The following YME1L1 variants were observed in gnomAD, a reference collection of about 807,000 sequenced individuals.
YME1L1 encodes YME1 like 1 ATPase.
YME1L1 carries 39 observed loss-of-function variants against 90.4 expected under a neutral mutation model. That is an observed-to-expected ratio of 0.43 (90% CI 0.33 to 0.56). The LOEUF (loss-of-function observed/expected upper bound fraction) is 0.56, where lower values mean the gene tolerates loss of function less well. Ranked by LOEUF, YME1L1 falls within the 20% of genes least tolerant of loss-of-function variation. The probability of loss-of-function intolerance (pLI) is 0.03; values close to 1 mark genes in which losing one functional copy is unlikely to be tolerated. For synonymous variants in YME1L1, 284 were observed against 287.3 expected, an observed-to-expected ratio of 0.99 and a Z score of 0.12; for missense variants, 617 against 868.4, an observed-to-expected ratio of 0.71 and a Z score of 3.64.
chr10:27,139,644 A>T (rs964442601), intron 4 of YME1L1, among the ~76,000 whole-genome samples: 5 of 152,032 alleles, frequency 3.3e-5, no homozygotes, highest in Non-Finnish European at 5.9e-5. Flanking sequence ...TATTTTTAAA[A>T]TACTGTCTTT....
chr10:27,120,672 C>T (rs2056858354), intron 12 of YME1L1, 125 bp from the exon 13 acceptor site: 1 of 628,362 alleles, frequency 1.6e-6, no homozygotes, highest in Non-Finnish European at 2.7e-6. Context: ...GAGTTTTGTA[C>T]ATAAATATTC....
intron 4 of YME1L1, among the ~76,000 whole-genome samples, chr10:27,138,508 T>G (rs1327151323): frequency 1.3e-5 from 2 of 152,238 alleles, no homozygotes; most frequent in South Asian, 4.1e-4. Flanking sequence ...TAAAGCTTCA[T>G]ACACACACGT....
intron 1 of YME1L1, among the ~76,000 whole-genome samples, chr10:27,153,488 G>A (rs1027572535): frequency 3.3e-5 from 5 of 152,146 alleles, no homozygotes; most frequent in African/African-American, 1.2e-4. Context: ...CAAAAAAAGA[G>A]ACTGGAATGA....
intron 11 of YME1L1, among the ~76,000 whole-genome samples, chr10:27,121,769 T>C (rs1332434619): frequency 6.7e-6 from 1 of 149,784 alleles, no homozygotes; most frequent in Non-Finnish European, 1.5e-5. Flanking sequence ...TTTTTGGAGA[T>C]GGAGTCTCAC....
intron 1 of YME1L1, chr10:27,153,342 C>A: frequency 4.5e-6 from 2 of 447,346 alleles, no homozygotes; most frequent in South Asian, 1.6e-5. Context: ...CAAAGGAACA[C>A]AATCATATGC....
In YME1L1 at chr10:27,110,520, A is replaced by G. The variant is rs148345658; in HGVS notation, c.*1457T>C. On this transcript the variant is annotated 3_prime_UTR_variant, in exon 19 of 19. Transcript: ENST00000376016. Reference sequence around the variant, plus strand: ...AGAATATAATCTGGTTGTAATACCAATACAATGTGTTCTAAAATAATTTTT... The same window carrying G: ...AGAATATAATCTGGTTGTAATACCAGTACAATGTGTTCTAAAATAATTTTT... 20 of 152,338 alleles carry G rather than the reference A, an allele frequency of 1.3e-4. No individual in the cohort carries two copies. The East Asian group carries it at 3.5e-3, about 26-fold the overall frequency. 9.4% of individuals were successfully genotyped at this position (152,338 alleles called of 1,614,324 possible).
intron 5 of YME1L1, among the ~76,000 whole-genome samples, chr10:27,135,571 G>C (rs1211171741): frequency 1.3e-5 from 2 of 152,196 alleles, no homozygotes; most frequent in African/African-American, 2.4e-5. Flanking sequence ...TGAACAATCT[G>C]ACGGAGGCAT....
intron 7 of YME1L1, among the ~76,000 whole-genome samples, chr10:27,132,722 G>A (rs971642176): frequency 6.6e-5 from 10 of 151,964 alleles, no homozygotes; most frequent in Admixed American, 5.2e-4. Flanking sequence ...GGGAGGCTGA[G>A]GCAGTGAAAT....
chr10:27,123,140 GA>G (rs1166309834), intron 10 of YME1L1, among the ~76,000 whole-genome samples, 167 bp from the exon 11 acceptor site: 3 of 152,140 alleles, frequency 2.0e-5, no homozygotes, highest in Admixed American at 6.6e-5. Flanking sequence ...CTTCAGGGGG[GA>G]AAAAACTATA....
At chr10:27,149,912 A>C (rs1372538124) in intron 1 of YME1L1, among the ~76,000 whole-genome samples, 1 of 151,688 alleles carries the variant, frequency 6.6e-6, no homozygotes, top group Non-Finnish European at 1.5e-5. Flanking sequence ...CATCGCCACT[A>C]AAAATACAAA....
chr10:27,149,067 A>C, intron 1 of YME1L1, 27 bp from the exon 2 acceptor site: 4 of 1,568,770 alleles, frequency 2.5e-6, no homozygotes, highest in Non-Finnish European at 3.4e-6. Flanking sequence ...GTTAAAAACT[A>C]AGTAGTTTTT....
chr10:27,154,342 C>T lies in YME1L1; in HGVS notation c.-132G>A. On this transcript the variant is annotated 5_prime_UTR_variant, in exon 1 of 19. Transcript: ENST00000376016. The stretch of plus-strand genomic sequence containing the variant: ...CGTTGCCCCTCACTCCTCCCAGAAA[C>T]GGAAAATGGCCTCCCCTTCCTACAG... 9.2e-7 allele frequency: 1 copy of T among 1,084,504 alleles called. No individual in the cohort carries two copies. The allele number at this position is 1,084,504 out of a possible 1,614,324, so 67.2% of individuals were successfully genotyped here. A position where few individuals can be genotyped will look rare whatever the true frequency, so the allele number is the denominator to read the frequency against.
chr10:27,147,268 A>C lies in YME1L1; in HGVS notation c.168+1638T>G, dbSNP rs2057153581. 8.9e-6 allele frequency: 6 copies of C among 673,138 alleles called. No individual in the cohort carries two copies. In the East Asian group the frequency reaches 1.6e-4, roughly 18 times the overall value. 41.7% of individuals were successfully genotyped at this position (673,138 alleles called of 1,614,324 possible). A position where few individuals can be genotyped will look rare whatever the true frequency, so the allele number is the denominator to read the frequency against. Reference sequence around the variant, plus strand: ...AACACTTTTGAGAGGCTGAGGTGGGAGGACTGCTTCAGGCCAGGAGTTCGA... The same window carrying C: ...AACACTTTTGAGAGGCTGAGGTGGGCGGACTGCTTCAGGCCAGGAGTTCGA... On this transcript the variant is annotated intron_variant, in intron 2 of 18. Transcript: ENST00000376016.
chr10:27,132,454 CAT>C (rs1363723022), intron 7 of YME1L1, among the ~76,000 whole-genome samples: 1 of 152,030 alleles, frequency 6.6e-6, no homozygotes, highest in African/African-American at 2.4e-5. Flanking sequence ...GTTAAAAAGA[CAT>C]ATTTCGGCTG....
chr10:27,132,080 G>A, intron 7 of YME1L1, 139 bp from the exon 8 acceptor site: 1 of 622,356 alleles, frequency 1.6e-6, no homozygotes, highest in Non-Finnish European at 2.8e-6. Flanking sequence ...TCAGAGTGAG[G>A]AATAGAAACT....
At chr10:27,114,409 A>G (rs1223657080) in intron 18 of YME1L1, 112 bp downstream of exon 18, 1 of 753,388 alleles carries the variant, frequency 1.3e-6, no homozygotes, top group Non-Finnish European at 2.1e-6. Flanking sequence ...TCTTTATTTT[A>G]TAAAATGATG....
At chr10:27,140,564 C>T (rs758106414) in intron 4 of YME1L1, among the ~76,000 whole-genome samples, 1 of 152,058 alleles carries the variant, frequency 6.6e-6, no homozygotes, top group Non-Finnish European at 1.5e-5. Context: ...CTGCAACCTC[C>T]GCCTCCTGGG....
At position 27,134,936 on chromosome 10, in the gene YME1L1, T is replaced by C. The variant is rs372564552; in HGVS notation, c.586A>G (p.Lys196Glu). ...DRGSDVESLD[K>E]LMKTKNIPEA... ...GGTATATTTTTGGTTTTCATGAGTTTGTCCAAACTCTCAACATCTGATCCT... is the reference window on the plus strand; with the variant it reads ...GGTATATTTTTGGTTTTCATGAGTTCGTCCAAACTCTCAACATCTGATCCT... Residue 196 changes from lysine to glutamate, a missense_variant, in exon 6 of 19, where the codon AAA becomes GAA. Lys to Glu is a moderately conservative substitution (Grantham distance 56). Transcript: ENST00000376016. The C allele has an allele frequency of 1.8e-5, 29 of 1,613,370 alleles. No individual in the cohort carries two copies. Among genetic ancestry groups the C allele is most frequent in the Non-Finnish European group, 2.3e-5 (27 of 1,180,022 alleles).
At position 27,136,343 on chromosome 10, in the gene YME1L1, G is replaced by C. The variant is rs1339540954; in HGVS notation, c.473C>G (p.Thr158Arg). The change falls in exon 5 of 19, where the codon ACA (threonine) becomes AGA (arginine). Residue 158 changes from threonine to arginine, a missense_variant. Transcript: ENST00000376016. ...CTCGGAGGTAGACTGGAGACGTCGT[G>C]TCCTTGATTTCAAAGTTTTAAAACC... ...SRGFKTLKSRTRRLQSTSERL... is the reference protein window; with the variant it reads ...SRGFKTLKSRRRRLQSTSERL... 6.2e-7 allele frequency: 1 copy of C among 1,613,636 alleles called. No homozygotes were observed. Among genetic ancestry groups the C allele is most frequent in the South Asian group, 1.1e-5 (1 of 91,054 alleles).
Sources: gnomAD v4.1 joint callset for allele counts (sites outside exome capture counted in the v4.1 genomes callset) on GRCh38, gnomAD v4.1.1 for gene constraint, MANE v1.5 for transcripts, NCBI Gene and HGNC (gene_info 2026-07-23, HGNC 2026-07-21) for gene names.